TGFA: variants seen among roughly 807,000 people sequenced by gnomAD.
TGFA encodes the protein protransforming growth factor alpha.
A neutral mutation model predicts 21.7 loss-of-function variants in TGFA; 12 were observed. That is an observed-to-expected ratio of 0.55 (90% CI 0.35 to 0.90). The LOEUF is 0.90. TGFA is among the 40% of genes least tolerant of loss of function. TGFA has a pLI of 0.01. For synonymous variants in TGFA, 79 were observed against 88.1 expected (o/e 0.90, Z 0.58); for missense variants, 178 against 210.8 (o/e 0.84, Z 0.96).
intron 2 of TGFA, among the ~76,000 whole-genome samples, chr2:70,514,146 A>T (rs1414816458): frequency 1.3e-5 from 2 of 152,220 alleles, no homozygotes; most frequent in Admixed American, 1.3e-4. Flanking sequence ...ACAGCATGAC[A>T]TTTTAAGAGA....
chr2:70,462,201 C>G (rs1477969810), intron 3 of TGFA, among the ~76,000 whole-genome samples: 8 of 152,202 alleles, frequency 5.3e-5, no homozygotes, highest in African/African-American at 1.9e-4. Context: ...TCTACTTTCT[C>G]TGCATGCACT....
intron 1 of TGFA, among the ~76,000 whole-genome samples, chr2:70,524,590 G>A (rs551551080): frequency 2.0e-5 from 3 of 152,350 alleles, no homozygotes; most frequent in East Asian, 3.9e-4. Context: ...CAGAGAAGCC[G>A]TGCCAAGCTG....
intron 2 of TGFA, among the ~76,000 whole-genome samples, chr2:70,502,465 G>A (rs538863719): frequency 2.6e-4 from 40 of 152,182 alleles, no homozygotes; most frequent in African/African-American, 8.4e-4. Flanking sequence ...TCAGCCTCCC[G>A]AGTAGCTGGG....
intron 1 of TGFA, among the ~76,000 whole-genome samples, chr2:70,551,256 A>G (rs1224127247): frequency 6.6e-6 from 1 of 152,224 alleles, no homozygotes; most frequent in Non-Finnish European, 1.5e-5. Context: ...GAGGAAATGT[A>G]ACTGGAAATG....
chr2:70,477,299 T>C (rs1670967707), intron 2 of TGFA, among the ~76,000 whole-genome samples: 1 of 152,214 alleles, frequency 6.6e-6, no homozygotes, highest in Non-Finnish European at 1.5e-5. Flanking sequence ...TGGTAAGAGA[T>C]GACCTCGGGC....
intron 3 of TGFA, among the ~76,000 whole-genome samples, chr2:70,458,986 T>G (rs1670329010): frequency 6.6e-6 from 1 of 152,220 alleles, no homozygotes; most frequent in Non-Finnish European, 1.5e-5. Context: ...CCAATGAGAC[T>G]TCTATGCAAA....
chr2:70,544,792 C>G (rs1373754030), intron 1 of TGFA, among the ~76,000 whole-genome samples: 1 of 152,186 alleles, frequency 6.6e-6, no homozygotes, highest in Non-Finnish European at 1.5e-5. Flanking sequence ...TTCACATGTT[C>G]TCACTTATTC....
At chr2:70,514,216 A>T (rs1672193047) in intron 2 of TGFA, among the ~76,000 whole-genome samples, 1 of 152,140 alleles carries the variant, frequency 6.6e-6, no homozygotes, top group Non-Finnish European at 1.5e-5. Context: ...TTTGAGCTTA[A>T]AAAGCAGGAA....
At chr2:70,454,098 G>A (rs868941262) in intron 4 of TGFA, among the ~76,000 whole-genome samples, 7 of 152,174 alleles carry the variant, frequency 4.6e-5, no homozygotes, top group South Asian at 4.1e-4. Context: ...TTGGGCTATC[G>A]TGGAGAACTT....
chr2:70,514,051 T>G (rs75877228), intron 2 of TGFA, among the ~76,000 whole-genome samples: 3,906 of 152,128 alleles, frequency 0.026, 176 homozygotes, highest in African/African-American at 0.09. Flanking sequence ...CATGAAGAGG[T>G]AGCATCATAA....
At chr2:70,534,290 C>T (rs1672907973) in intron 1 of TGFA, among the ~76,000 whole-genome samples, 2 of 152,194 alleles carry the variant, frequency 1.3e-5, no homozygotes, top group Non-Finnish European at 2.9e-5. Flanking sequence ...TGTGCTCTCG[C>T]AGGTTCTATC....
chr2:70,514,983 G>A lies in TGFA; in HGVS notation c.41-71C>T, dbSNP rs557354216. 5 of 1,462,338 alleles carry A rather than the reference G, an allele frequency of 3.4e-6. No individual in the cohort carries two copies. In the Admixed American group the frequency reaches 5.6e-5, roughly 16 times the overall value. The allele number at this position is 1,462,338 out of a possible 1,614,324, so 90.6% of individuals were successfully genotyped here. ...AAATGATGTCCTCAGACGCTTAGAG[G>A]GCAGGCCCTTTGACAGGCAAAGGTT... On this transcript the variant is annotated intron_variant, in intron 1 of 5. Transcript: ENST00000295400.
chr2:70,548,235 G>T (rs886493876), intron 1 of TGFA, among the ~76,000 whole-genome samples: 5 of 152,148 alleles, frequency 3.3e-5, no homozygotes, highest in Non-Finnish European at 5.9e-5. Flanking sequence ...TCCCCACGAG[G>T]TCATCAAATA....
chr2:70,552,287 G>C (rs1475220818), intron 1 of TGFA, among the ~76,000 whole-genome samples: 1 of 152,260 alleles, frequency 6.6e-6, no homozygotes, highest in South Asian at 2.1e-4. Flanking sequence ...TAAAGCACTT[G>C]GACTGTGTCT....
intron 2 of TGFA, among the ~76,000 whole-genome samples, chr2:70,491,707 G>A (rs1235477513): frequency 6.6e-6 from 1 of 152,080 alleles, no homozygotes; most frequent in African/African-American, 2.4e-5. Context: ...TTCTTTGAAG[G>A]GCTCTTCCTT....
intron 3 of TGFA, among the ~76,000 whole-genome samples, chr2:70,463,577 T>C (rs1298466837): frequency 6.6e-6 from 1 of 152,148 alleles, no homozygotes; most frequent in African/African-American, 2.4e-5. Context: ...GGAGGGCACC[T>C]GAGGAAGAAA....
intron 1 of TGFA, among the ~76,000 whole-genome samples, chr2:70,516,527 T>C (rs1367611098): frequency 3.3e-5 from 5 of 149,576 alleles, no homozygotes; most frequent in African/African-American, 1.0e-4. Context: ...TGGGCTGGAG[T>C]TGGAGGCAGG....
At chr2:70,491,994 C>G (rs1671452039) in intron 2 of TGFA, among the ~76,000 whole-genome samples, 1 of 152,156 alleles carries the variant, frequency 6.6e-6, no homozygotes, top group African/African-American at 2.4e-5. Context: ...TTTCCTTGTG[C>G]AGGAATACTT....
At chr2:70,538,402 T>C (rs1386324747) in intron 1 of TGFA, among the ~76,000 whole-genome samples, 1 of 152,178 alleles carries the variant, frequency 6.6e-6, no homozygotes, top group African/African-American at 2.4e-5. Context: ...TGCTGATGGG[T>C]CTGGGTAAAG....
Sources: allele counts gnomAD v4.1 joint callset (sites outside exome capture counted in the v4.1 genomes callset), GRCh38; gene constraint gnomAD v4.1.1; transcripts MANE v1.5; gene names NCBI Gene and HGNC (gene_info 2026-07-23, HGNC 2026-07-21).